The following PRKCA variants were observed in gnomAD, a reference collection of about 807,000 sequenced individuals.
The protein encoded by PRKCA is protein kinase C alpha type.
Under a neutral mutation model 87.0 loss-of-function variants are expected in PRKCA, and 27 were observed. The ratio of observed to expected loss-of-function variants is 0.31; its 90% confidence interval spans 0.23 to 0.43. The LOEUF (loss-of-function observed/expected upper bound fraction) is 0.43. Among genes scored for constraint, PRKCA ranks in the 20% least tolerant of loss-of-function variants. The pLI, the probability that PRKCA is intolerant of heterozygous loss-of-function variation, is 1.00. For missense variants in PRKCA, 518 were observed against 852.3 expected, an observed-to-expected ratio of 0.61 and a Z score of 4.88; for synonymous variants, 329 against 311.1, an observed-to-expected ratio of 1.06 and a Z score of -0.61.
At position 66,302,808 on chromosome 17, in the gene PRKCA, G is replaced by A. The variant is rs557872577; in HGVS notation, c.-44G>A. 24 of 1,293,462 alleles carry A rather than the reference G, an allele frequency of 1.9e-5. No homozygotes were observed. In the East Asian group the frequency reaches 1.0e-3, roughly 54 times the overall value. 80.1% of individuals were successfully genotyped at this position (1,293,462 alleles called of 1,614,324 possible). A position where few individuals can be genotyped will look rare whatever the true frequency, so the allele number is the denominator to read the frequency against. On this transcript the variant is annotated 5_prime_UTR_variant, in exon 1 of 17. Transcript: ENST00000413366. ...CGCCCCCGCCCACCCGGCCCTCCGCGGCCGCAGCTCCCCGGCGGAGGCAAG... is the reference window on the plus strand; with the variant it reads ...CGCCCCCGCCCACCCGGCCCTCCGCAGCCGCAGCTCCCCGGCGGAGGCAAG...
intron 2 of PRKCA, among the ~76,000 whole-genome samples, chr17:66,362,128 C>T (rs955764174): frequency 1.3e-5 from 2 of 152,078 alleles, no homozygotes; most frequent in Admixed American, 1.3e-4. Flanking sequence ...CTCTGCCTCC[C>T]GGGTTCAAGC....
chr17:66,453,996 G>C (rs1914460456), intron 2 of PRKCA, among the ~76,000 whole-genome samples: 1 of 152,194 alleles, frequency 6.6e-6, no homozygotes, highest in South Asian at 2.1e-4. Flanking sequence ...GTCAGAATTG[G>C]ATGTGAAGCC....
intron 2 of PRKCA, among the ~76,000 whole-genome samples, chr17:66,495,771 G>A (rs973706392): frequency 6.6e-6 from 1 of 151,956 alleles, no homozygotes; most frequent in Non-Finnish European, 1.5e-5. Context: ...GTTTTACCAT[G>A]TTGGCCAGGC....
intron 3 of PRKCA, among the ~76,000 whole-genome samples, chr17:66,535,704 C>A (rs140774546): frequency 6.6e-6 from 1 of 152,322 alleles, no homozygotes; most frequent in Non-Finnish European, 1.5e-5. Flanking sequence ...AGTGGGATCT[C>A]CTCACTACCT....
chr17:66,656,386 C>T (rs1269270102), intron 5 of PRKCA, among the ~76,000 whole-genome samples: 1 of 152,176 alleles, frequency 6.6e-6, no homozygotes, highest in African/African-American at 2.4e-5. Flanking sequence ...TTTCTGGGGC[C>T]TCTTTCAAGA....
At chr17:66,512,857 T>C (rs530415644) in intron 3 of PRKCA, among the ~76,000 whole-genome samples, 1 of 152,282 alleles carries the variant, frequency 6.6e-6, no homozygotes, top group South Asian at 2.1e-4. Flanking sequence ...CATGCCCGGC[T>C]AATTTTTGTA....
intron 3 of PRKCA, among the ~76,000 whole-genome samples, chr17:66,637,383 G>A (rs1429566664): frequency 6.6e-6 from 1 of 152,106 alleles, no homozygotes; most frequent in South Asian, 2.1e-4. Flanking sequence ...ACTGTAGGAC[G>A]CAACCTTTCC....
At chr17:66,392,702 G>C (rs1910436502) in intron 2 of PRKCA, among the ~76,000 whole-genome samples, 1 of 152,078 alleles carries the variant, frequency 6.6e-6, no homozygotes, top group African/African-American at 2.4e-5. Context: ...TCAGTGACTT[G>C]GAGCAACACC....
chr17:66,620,041 G>A (rs761328965), intron 3 of PRKCA, among the ~76,000 whole-genome samples: 7 of 152,110 alleles, frequency 4.6e-5, no homozygotes, highest in Non-Finnish European at 8.8e-5. Flanking sequence ...AGCCACAGTG[G>A]GGTCATTGGT....
At chr17:66,794,003 G>T (rs1975606320) in intron 16 of PRKCA, among the ~76,000 whole-genome samples, 1 of 152,194 alleles carries the variant, frequency 6.6e-6, no homozygotes. Flanking sequence ...AGGAGCATAA[G>T]GTTAATTGAT....
chr17:66,765,434 A>ATCTATATCTATATC, intron 13 of PRKCA, among the ~76,000 whole-genome samples: 1 of 132,140 alleles, frequency 7.6e-6, no homozygotes, highest in Non-Finnish European at 1.6e-5. Flanking sequence ...ATATATATAT[A>ATCTATATCTATATC]TATATATATA....
chr17:66,756,368 G>C (rs1337538208), intron 13 of PRKCA, among the ~76,000 whole-genome samples: 1 of 151,946 alleles, frequency 6.6e-6, no homozygotes, highest in Non-Finnish European at 1.5e-5. Flanking sequence ...AGACCAAGAA[G>C]CACTTGTGAA....
At chr17:66,764,957 A>G (rs1252409032) in intron 13 of PRKCA, among the ~76,000 whole-genome samples, 1 of 152,220 alleles carries the variant, frequency 6.6e-6, no homozygotes, top group Non-Finnish European at 1.5e-5. Flanking sequence ...TCCCTAGACC[A>G]ATGAGAGCCA....
At chr17:66,431,924 T>C (rs1913117951) in intron 2 of PRKCA, among the ~76,000 whole-genome samples, 1 of 152,068 alleles carries the variant, frequency 6.6e-6, no homozygotes, top group South Asian at 2.1e-4. Flanking sequence ...AGTAATAATT[T>C]CCCCCCGCAT....
At chr17:66,745,229 T>G (rs923175553) in intron 13 of PRKCA, among the ~76,000 whole-genome samples, 1 of 152,346 alleles carries the variant, frequency 6.6e-6, no homozygotes, top group Admixed American at 6.5e-5. Flanking sequence ...CTGTCATGTC[T>G]TGGTAACTTC....
chr17:66,362,753 C>T (rs534514420), intron 2 of PRKCA, among the ~76,000 whole-genome samples: 8 of 150,738 alleles, frequency 5.3e-5, no homozygotes, highest in South Asian at 4.2e-4. Context: ...GGAGTGCAGT[C>T]GTGCGATCTT....
chr17:66,451,425 T>C (rs563079301), intron 2 of PRKCA, among the ~76,000 whole-genome samples: 6 of 152,090 alleles, frequency 3.9e-5, no homozygotes, highest in Non-Finnish European at 8.8e-5. Context: ...TTTTGATTAT[T>C]ATCACATTTT....
chr17:66,625,644 A>G (rs17686826), intron 3 of PRKCA, among the ~76,000 whole-genome samples: 6,225 of 152,212 alleles, frequency 0.041, 170 homozygotes, highest in Non-Finnish European at 0.062. Context: ...TTCTCTGTCT[A>G]TTTGAGCTAC....
chr17:66,678,320 G>A (rs555538383), intron 5 of PRKCA, among the ~76,000 whole-genome samples: 1 of 152,336 alleles, frequency 6.6e-6, no homozygotes, highest in South Asian at 2.1e-4. Context: ...TTTTGGCCTG[G>A]TGATGTGGAT....
Sources: gnomAD v4.1 joint callset for allele counts (sites outside exome capture counted in the v4.1 genomes callset) on GRCh38, gnomAD v4.1.1 for gene constraint, MANE v1.5 for transcripts, NCBI Gene and HGNC (gene_info 2026-07-23, HGNC 2026-07-21) for gene names.